SPEF2: variants seen among roughly 807,000 people sequenced by gnomAD.
The protein encoded by SPEF2 is sperm flagella and cilia-associated protein 2.
In SPEF2, 187 loss-of-function variants were observed where a neutral mutation model predicts 224.6. The ratio of observed to expected loss-of-function variants is 0.83; its 90% CI spans 0.74 to 0.94. SPEF2 has a LOEUF of 0.94. Ranked by LOEUF, SPEF2 falls within the 40% of genes least tolerant of loss-of-function variation. The pLI, the probability that SPEF2 is intolerant of heterozygous loss-of-function variation, is 0.00. For missense variants in SPEF2, 2,170 were observed against 2,135.6 expected, an observed-to-expected ratio of 1.02 and a Z score of -0.32; for synonymous variants, 715 against 707.3, an observed-to-expected ratio of 1.01 and a Z score of -0.17.
chr5:35,631,005 C>A (rs1745029856), intron 2 of SPEF2, among the ~76,000 whole-genome samples: 1 of 152,202 alleles, frequency 6.6e-6, no homozygotes, highest in Non-Finnish European at 1.5e-5. Context: ...AGATGCTCAG[C>A]ATCATTAGTG....
chr5:35,641,592 AGAAAAGTGGACT>A lies in SPEF2; in HGVS notation c.326_337del (p.Lys109_Leu112del). 4 of 1,613,836 alleles carry A rather than the reference AGAAAAGTGGACT, an allele frequency of 2.5e-6. No individual in the cohort carries two copies. The highest frequency in any genetic ancestry group is 3.4e-6 in the Non-Finnish European group (4 of 1,179,820). On this transcript the variant is annotated inframe_deletion, in exon 3 of 37. Transcript: ENST00000356031. ...TTGTACATTGCTCTTCAGAAAAAGA[AGAAAAGTGGACT>A]GACTGGAGTGGAGATGCAAACCATG...
intron 30 of SPEF2, among the ~76,000 whole-genome samples, chr5:35,782,640 A>G (rs1754502147): frequency 6.6e-6 from 1 of 152,136 alleles, no homozygotes; most frequent in Admixed American, 6.5e-5. Context: ...CAATGACTGA[A>G]TGCTTTAAAT....
At chr5:35,692,096 C>T (rs1355077306) in intron 11 of SPEF2, among the ~76,000 whole-genome samples, 1 of 152,058 alleles carries the variant, frequency 6.6e-6, no homozygotes, top group East Asian at 2.0e-4. Context: ...CCGTGCCCAG[C>T]CTTATCACGT....
chr5:35,675,627 G>C, intron 10 of SPEF2: 1 of 169,986 alleles, frequency 5.9e-6, no homozygotes, highest in Non-Finnish European at 1.3e-5. Flanking sequence ...TGCAAGCTCC[G>C]CCTCCCTCCC....
At chr5:35,618,589 ACCAG>A (rs1236362242) in intron 1 of SPEF2, among the ~76,000 whole-genome samples, 1 of 152,084 alleles carries the variant, frequency 6.6e-6, no homozygotes, top group Non-Finnish European at 1.5e-5. Context: ...TACTTAACTG[ACCAG>A]CAGGGGAGGG....
At position 35,709,079 on chromosome 5, in the gene SPEF2, G is replaced by T. The variant is rs1294227778; in HGVS notation, c.2797G>T (p.Val933Leu). ...AGAGAAGGAAATTCATCAAAGCCAT[G>T]TGGCTTCAAAAACTCCTACTGCAAA... The part of the protein sequence containing the change: ...EKEKEIHQSH[V>L]ASKTPTAKGK... The change falls in exon 19 of 37, where the codon GTG (valine) becomes TTG (leucine). Residue 933 changes from valine to leucine, a missense_variant. Transcript: ENST00000356031. 6.2e-7 allele frequency: 1 copy of T among 1,613,794 alleles called. No individual in the cohort carries two copies. Among genetic ancestry groups the T allele is most frequent in the Non-Finnish European group, 8.5e-7 (1 of 1,179,962 alleles).
chr5:35,725,788 C>G (rs1311696987), intron 20 of SPEF2, among the ~76,000 whole-genome samples: 1 of 152,066 alleles, frequency 6.6e-6, no homozygotes, highest in Middle Eastern at 3.2e-3. Flanking sequence ...CTTTTTACTG[C>G]ATTTTATTTT....
At chr5:35,753,437 A>G (rs979073010) in intron 23 of SPEF2, among the ~76,000 whole-genome samples, 187 bp from the exon 24 acceptor site, 1 of 152,176 alleles carries the variant, frequency 6.6e-6, no homozygotes, top group Non-Finnish European at 1.5e-5. Flanking sequence ...CTTCAAACGT[A>G]AGGGACTGAC....
intron 8 of SPEF2, among the ~76,000 whole-genome samples, chr5:35,662,101 T>G (rs961342782): frequency 1.3e-5 from 2 of 152,200 alleles, no homozygotes; most frequent in Non-Finnish European, 2.9e-5. Context: ...GTTTTTTGAC[T>G]TTTTGGTAAT....
chr5:35,796,709 G>C (rs1331485155), intron 33 of SPEF2, among the ~76,000 whole-genome samples: 3 of 152,066 alleles, frequency 2.0e-5, no homozygotes, highest in Non-Finnish European at 4.4e-5. Context: ...ATAATGTATA[G>C]ATTGTTCAAT....
chr5:35,737,493 T>C (rs970456976), intron 21 of SPEF2, among the ~76,000 whole-genome samples: 1 of 151,952 alleles, frequency 6.6e-6, no homozygotes, highest in African/African-American at 2.4e-5. Flanking sequence ...GATAGTTTGC[T>C]GAGAATGATG....
At chr5:35,692,346 G>A (rs978623124) in intron 11 of SPEF2, among the ~76,000 whole-genome samples, 4 of 152,112 alleles carry the variant, frequency 2.6e-5, no homozygotes, top group African/African-American at 9.7e-5. Flanking sequence ...AGGAGACGGA[G>A]GTTGCAGTGA....
chr5:35,786,644 G>A (rs1755177039), intron 30 of SPEF2, among the ~76,000 whole-genome samples: 1 of 152,110 alleles, frequency 6.6e-6, no homozygotes, highest in African/African-American at 2.4e-5. Context: ...CTGGGCGACA[G>A]CGGGAGACTC....
At chr5:35,700,890 C>A in intron 16 of SPEF2, 138 bp downstream of exon 16, 1 of 1,009,846 alleles carries the variant, frequency 9.9e-7, no homozygotes, top group Non-Finnish European at 1.4e-6. Context: ...TCTAGTTGAG[C>A]ACAGTTGCCT....
At position 35,746,993 on chromosome 5, in the gene SPEF2, T is replaced by C. The variant is rs113310649; in HGVS notation, c.3331-6631T>C. ...ATTTCTCAGCAGAAACCCTAAAAGC[T>C]AGAAGGGATTAGGGCCCTATCTTCA... On this transcript the variant is annotated intron_variant, in intron 23 of 36. Transcript: ENST00000356031. Among the ~76,000 whole-genome samples the C allele has an allele frequency of 4.8e-3, 728 of 152,282 alleles. 8 individuals carry two copies. The highest frequency in any genetic ancestry group is 0.016 in the African/African-American group (680 of 41,572).
chr5:35,708,191 G>A (rs1580377377), intron 18 of SPEF2, among the ~76,000 whole-genome samples: 1 of 151,968 alleles, frequency 6.6e-6, no homozygotes, highest in Admixed American at 6.5e-5. Context: ...TCAATAAATG[G>A]TTGTTGCAGG....
chr5:35,741,535 G>A (rs1747639000), intron 23 of SPEF2, among the ~76,000 whole-genome samples: 1 of 152,146 alleles, frequency 6.6e-6, no homozygotes, highest in Non-Finnish European at 1.5e-5. Context: ...CTAAGTCCTT[G>A]GAGGTTATTA....
intron 8 of SPEF2, among the ~76,000 whole-genome samples, chr5:35,664,364 AGAAGGAAG>A: frequency 1.3e-5 from 2 of 151,450 alleles, no homozygotes; most frequent in Middle Eastern, 6.8e-3. Context: ...AAGGAAGGAA[AGAAGGAAG>A]GAAGGAAGGA....
intron 20 of SPEF2, among the ~76,000 whole-genome samples, chr5:35,727,098 A>C (rs947090410): frequency 2.1e-5 from 3 of 145,252 alleles, no homozygotes; most frequent in Non-Finnish European, 1.5e-5. Context: ...CTTCATCTTT[A>C]TTCCCTAACT....
Sources: allele counts gnomAD v4.1 joint callset (sites outside exome capture counted in the v4.1 genomes callset), GRCh38; gene constraint gnomAD v4.1.1; transcripts MANE v1.5; gene names NCBI Gene and HGNC (gene_info 2026-07-23, HGNC 2026-07-21).